ZNF12: variants seen among roughly 807,000 people sequenced by gnomAD.
ZNF12 encodes gonadotropin inducible transcription repressor 3.
A neutral mutation model predicts 66.6 loss-of-function variants in ZNF12; 34 were observed. The ratio of observed to expected loss-of-function variants is 0.51; its 90% CI spans 0.39 to 0.68. The LOEUF (loss-of-function observed/expected upper bound fraction) is 0.68. ZNF12 is among the 30% of genes least tolerant of loss of function. The pLI, the probability that ZNF12 is intolerant of heterozygous loss-of-function variation, is 0.00. For synonymous variants in ZNF12, 320 were observed against 278.9 expected (o/e 1.15, Z -1.47); for missense variants, 697 against 826.9 (o/e 0.84, Z 1.93).
chr7:6,690,628 A>G lies in ZNF12; in HGVS notation c.*220T>C. 1 of 486,230 alleles carries G rather than the reference A, an allele frequency of 2.1e-6. No homozygotes were observed. The highest frequency in any genetic ancestry group is 3.6e-6 in the Non-Finnish European group (1 of 279,354). The allele number at this position is 486,230 out of a possible 1,614,324, so 30.1% of individuals were successfully genotyped here. On this transcript the variant is annotated 3_prime_UTR_variant, in exon 5 of 5. Coordinates refer to ENST00000405858, the MANE Select transcript of ZNF12 (RefSeq NM_016265.4). ...ACATGTATATACATTCTTAATATTTATAAATTTTTACTTGTCTATAGTCTA... is the reference window on the plus strand; with the variant it reads ...ACATGTATATACATTCTTAATATTTGTAAATTTTTACTTGTCTATAGTCTA...
chr7:6,690,352 CAT>C lies in ZNF12; in HGVS notation c.*494_*495del, dbSNP rs1780046130. 6.6e-6 allele frequency: 1 copy of C among 152,468 alleles called. No homozygotes were observed. Among genetic ancestry groups the C allele is most frequent in the African/African-American group, 2.4e-5 (1 of 41,448 alleles). The allele number at this position is 152,468 out of a possible 1,614,324, so 9.4% of individuals were successfully genotyped here. A position where few individuals can be genotyped will look rare whatever the true frequency, so the allele number is the denominator to read the frequency against. ...TCCTATGTTCTTTGGGAACTGCTTACATGAGTTTAAGGTTACCGACTTAACTA... is the reference window on the plus strand; with the variant it reads ...TCCTATGTTCTTTGGGAACTGCTTACGAGTTTAAGGTTACCGACTTAACTA... On this transcript the variant is annotated 3_prime_UTR_variant, in exon 5 of 5. Coordinates refer to ENST00000405858, the MANE Select transcript of ZNF12 (RefSeq NM_016265.4).
At chr7:6,706,222 G>A (rs1038444629) in intron 1 of ZNF12, among the ~76,000 whole-genome samples, 1 of 152,192 alleles carries the variant, frequency 6.6e-6, no homozygotes, top group Non-Finnish European at 1.5e-5. Context: ...TGGGGTGAGG[G>A]GGGAGTGGAG....
intron 4 of ZNF12, among the ~76,000 whole-genome samples, chr7:6,695,777 C>T (rs1320533866): frequency 6.6e-6 from 1 of 152,028 alleles, no homozygotes; most frequent in Non-Finnish European, 1.5e-5. Context: ...AAACTGAAGT[C>T]GAGGGAAGGG....
rs1780162512 is a variant in ZNF12 at position 6,696,900 on chromosome 7, C to T, written c.238+439G>A. ...ACAGGATGGGAACTTTGGAGTCTAA[C>T]CTCAAAGAAAGAAAAGTACAAAGTA... is the stretch of plus-strand genomic sequence containing the variant. On this transcript the variant is annotated intron_variant, in intron 4 of 4. Coordinates refer to ENST00000405858, the MANE Select transcript of ZNF12 (RefSeq NM_016265.4). The surrounding 1 kb of genome is among the most constrained non-coding windows in gnomAD (Gnocchi z 4.0). 2.0e-5 allele frequency among the ~76,000 whole-genome samples: 3 copies of T among 151,280 alleles called. No homozygotes were observed. Among genetic ancestry groups the T allele is most frequent in the Admixed American group, 2.0e-4 (3 of 15,152 alleles).
intron 2 of ZNF12, among the ~76,000 whole-genome samples, chr7:6,700,444 C>G (rs1449670067): frequency 6.6e-6 from 1 of 151,980 alleles, no homozygotes; most frequent in African/African-American, 2.4e-5. Flanking sequence ...ATATTTGAGT[C>G]TTTCCATTAA....
In ZNF12 at chr7:6,705,347, A is replaced by G. The variant is rs535790807; in HGVS notation, c.-50-124T>C. ...CATCTTGTGGGAGACTGTCCCTTTA[A>G]GCCTTCAGAAGGGATTGGAAAATGA... On this transcript the variant is annotated intron_variant, in intron 1 of 4. Transcript: ENST00000405858. The surrounding 1 kb of genome is among the most constrained non-coding windows in gnomAD (Gnocchi z 4.0). 2.5e-5 allele frequency: 16 copies of G among 639,892 alleles called. No individual in the cohort carries two copies. Among genetic ancestry groups the G allele is most frequent in the Non-Finnish European group, 4.3e-5 (16 of 373,400 alleles). 39.6% of individuals were successfully genotyped at this position (639,892 alleles called of 1,614,324 possible). A position where few individuals can be genotyped will look rare whatever the true frequency, so the allele number is the denominator to read the frequency against.
At chr7:6,701,903 A>C (rs1181856594) in intron 2 of ZNF12, among the ~76,000 whole-genome samples, 3 of 149,228 alleles carry the variant, frequency 2.0e-5, no homozygotes, top group African/African-American at 7.4e-5. Flanking sequence ...CTCAACTCCT[A>C]TTCCTGCTAC....
chr7:6,701,217 C>T (rs541995785), intron 2 of ZNF12, among the ~76,000 whole-genome samples: 1 of 152,332 alleles, frequency 6.6e-6, no homozygotes, highest in East Asian at 1.9e-4. Flanking sequence ...GAACGACTCC[C>T]ATGATCTCCC....
rs1780031495 is a variant in ZNF12 at position 6,689,295 on chromosome 7, T to A, written c.*1553A>T. Reference sequence around the variant, plus strand: ...AGGCCATGATTAAACTATAATCCATTGCTGAAAGATGGTTACCAGGCACCA... The same window carrying A: ...AGGCCATGATTAAACTATAATCCATAGCTGAAAGATGGTTACCAGGCACCA... On this transcript the variant is annotated 3_prime_UTR_variant, in exon 5 of 5. Coordinates refer to ENST00000405858, the MANE Select transcript of ZNF12 (RefSeq NM_016265.4). The A allele has an allele frequency of 6.6e-6, 1 of 152,230 alleles. No individual in the cohort carries two copies. The highest frequency in any genetic ancestry group is 1.5e-5 in the Non-Finnish European group (1 of 68,036). 9.4% of individuals were successfully genotyped at this position (152,230 alleles called of 1,614,324 possible).
In ZNF12 at chr7:6,696,425, A is replaced by T. The variant is rs1328287061; in HGVS notation, c.238+914T>A. ...TTCCAGGCCTGATGAGAACAAGAGC[A>T]GCTCTGTAACTGGTATCACAGAAAA... On this transcript the variant is annotated intron_variant, in intron 4 of 4. Transcript: ENST00000405858. This position sits in a 1 kb window ranked among gnomAD's most constrained non-coding sequence, Gnocchi z 4.0. Among the ~76,000 whole-genome samples the T allele has an allele frequency of 6.6e-6, 1 of 152,254 alleles. No individual in the cohort carries two copies. The highest frequency in any genetic ancestry group is 6.5e-5 in the Admixed American group (1 of 15,288).
chr7:6,697,362 T>G lies in ZNF12; in HGVS notation c.215A>C (p.Glu72Ala), dbSNP rs200514113. ...QGEEPWIVEG[E>A]FLLQSYPDEV... ...ACCTGGATAGCTCTGAAGTAGGAAT[T>G]CTCCTTCTACTATCCATGGCTCTTC... The change falls in exon 4 of 5, where the codon GAA becomes GCA. Residue 72 changes from glutamate to alanine, a missense_variant. By Grantham distance (107) the Glu-to-Ala change is moderately radical. Transcript: ENST00000405858. This position sits in a 1 kb window ranked among gnomAD's most constrained non-coding sequence, Gnocchi z 6.1. 6.2e-7 allele frequency: 1 copy of G among 1,611,048 alleles called. No homozygotes were observed. The highest frequency in any genetic ancestry group is 1.3e-5 in the African/African-American group (1 of 75,014).
chr7:6,693,099 A>G lies in ZNF12; in HGVS notation c.239-396T>C, dbSNP rs144999634. Among the ~76,000 whole-genome samples, 133 of 152,362 alleles carry G rather than the reference A, an allele frequency of 8.7e-4. 2 individuals are homozygous for G. Among genetic ancestry groups the G allele is most frequent in the Admixed American group, 3.2e-3 (49 of 15,300 alleles). On this transcript the variant is annotated intron_variant, in intron 4 of 4. Transcript: ENST00000405858. ...GGAGTGCTGTTGGACAAGGAGGGTC[A>G]TAAGATGTATTCAATTAGGGATTCA...
intron 4 of ZNF12, among the ~76,000 whole-genome samples, chr7:6,694,719 T>G (rs1477695981): frequency 6.6e-6 from 1 of 152,244 alleles, no homozygotes; most frequent in Non-Finnish European, 1.5e-5. Flanking sequence ...CTTGACTTCC[T>G]GCCTTCATCT....
chr7:6,694,993 A>C (rs1053097071), intron 4 of ZNF12, among the ~76,000 whole-genome samples: 6 of 151,938 alleles, frequency 3.9e-5, no homozygotes, highest in African/African-American at 1.5e-4. Context: ...GTGCGATCTC[A>C]GCTCACTGCA....
rs1583461523 is a variant in ZNF12, at chr7:6,689,686, A to G, written c.*1162T>C. ...CAAGGTTTAAAACCAGTACGACATC[A>G]AATGAAAACACAGTGAATTCCTATG... On this transcript the variant is annotated 3_prime_UTR_variant, in exon 5 of 5. Transcript: ENST00000405858. The G allele has an allele frequency of 6.6e-6, 1 of 152,528 alleles. No homozygotes were observed. The highest frequency in any genetic ancestry group is 2.1e-4 in the South Asian group (1 of 4,806). The allele number at this position is 152,528 out of a possible 1,614,324, so 9.4% of individuals were successfully genotyped here.
chr7:6,697,412 A>G lies in ZNF12; in HGVS notation c.165T>C (p.Asp55=), dbSNP rs373923337. 3 of 1,612,444 alleles carry G rather than the reference A, an allele frequency of 1.9e-6. No homozygotes were observed. Among genetic ancestry groups the G allele is most frequent in the Non-Finnish European group, 2.5e-6 (3 of 1,179,304 alleles). The change falls in exon 4 of 5, where the codon GAT becomes GAC. Residue 55 remains aspartate (D), a synonymous_variant. Coordinates refer to ENST00000405858, the MANE Select transcript of ZNF12 (RefSeq NM_016265.4). The surrounding 1 kb of genome is among the most constrained non-coding windows in gnomAD (Gnocchi z 6.1). Reference sequence around the variant, plus strand: ...CTCCTTGCTCCAACTTGCTGATAACATCCGGTTTGATAATGTGATACCCTG... The same window carrying G: ...CTCCTTGCTCCAACTTGCTGATAACGTCCGGTTTGATAATGTGATACCCTG... ...VSVGYHIIKP[D]VISKLEQGEE...
In ZNF12 at chr7:6,689,894, G is replaced by A. The variant is rs1780039441; in HGVS notation, c.*954C>T. The A allele has an allele frequency of 6.6e-6, 1 of 152,276 alleles. No individual in the cohort carries two copies. Among genetic ancestry groups the A allele is most frequent in the Non-Finnish European group, 1.5e-5 (1 of 67,990 alleles). The allele number at this position is 152,276 out of a possible 1,614,324, so 9.4% of individuals were successfully genotyped here. A position where few individuals can be genotyped will look rare whatever the true frequency, so the allele number is the denominator to read the frequency against. ...TATGTAAGTGTCCAAATAAAAAACA[G>A]TAGAAAAAAAAATAGATACAAATGG... is the stretch of plus-strand genomic sequence containing the variant. On this transcript the variant is annotated 3_prime_UTR_variant, in exon 5 of 5. Transcript: ENST00000405858.
At chr7:6,702,236 T>TC (rs1451993258) in intron 2 of ZNF12, among the ~76,000 whole-genome samples, 1 of 149,684 alleles carries the variant, frequency 6.7e-6, no homozygotes, top group Non-Finnish European at 1.5e-5. Context: ...AGTAGCACCT[T>TC]CCCAGTTCCT....
At chr7:6,703,703 G>C (rs1387509014) in intron 2 of ZNF12, among the ~76,000 whole-genome samples, 2 of 152,204 alleles carry the variant, frequency 1.3e-5, no homozygotes, top group East Asian at 3.8e-4. Flanking sequence ...CTGGTAGTTA[G>C]AAGCACAGGA....
Sources: allele counts gnomAD v4.1 joint callset (sites outside exome capture counted in the v4.1 genomes callset), GRCh38; gene constraint gnomAD v4.1.1; non-coding constraint Gnocchi (gnomAD v3.1); transcripts MANE v1.5; gene names NCBI Gene and HGNC (gene_info 2026-07-23, HGNC 2026-07-21).